FAM13A: variants seen among roughly 807,000 people sequenced by gnomAD.
FAM13A encodes the protein family with sequence similarity 13 member A.
Under a neutral mutation model 129.6 loss-of-function variants are expected in FAM13A, and 76 were observed. That is an observed-to-expected ratio of 0.59 (90% CI 0.49 to 0.71). The LOEUF is 0.71. Ranked by LOEUF, FAM13A falls within the 30% of genes least tolerant of loss-of-function variation. The probability of loss-of-function intolerance (pLI) is 0.00; values close to 1 mark genes in which losing one functional copy is unlikely to be tolerated. For missense variants in FAM13A, 1,108 were observed against 1,249.3 expected (o/e 0.89, Z 1.70); for synonymous variants, 443 against 449.9 (o/e 0.98, Z 0.20).
intron 5 of FAM13A, among the ~76,000 whole-genome samples, chr4:88,934,139 C>T (rs552812156): frequency 5.3e-5 from 8 of 152,202 alleles, no homozygotes; most frequent in African/African-American, 1.4e-4. Context: ...TCTACTCAAA[C>T]GTTTTCTTGT....
At position 88,851,095 on chromosome 4, in the gene FAM13A, C is replaced by T. The variant is rs114556874; in HGVS notation, c.932G>A (p.Arg311Gln). The T allele has an allele frequency of 7.3e-4, 1,170 of 1,613,766 alleles. 7 individuals are homozygous for T. The African/African-American group carries it at 0.012, about 17-fold the overall frequency. Residue 311 changes from arginine to glutamine, a missense_variant, in exon 7 of 24, where the codon CGG becomes CAG. Coordinates refer to ENST00000264344, the MANE Select transcript of FAM13A (RefSeq NM_014883.4). ...LSDGIPQLSL[R>Q]LSYRKACLED... ...CAAGCAGGCTTTTCTATAACTTAGC[C>T]GCAAGCTGAGCTGAGGAATGCCATC...
intron 10 of FAM13A, among the ~76,000 whole-genome samples, chr4:88,783,003 G>A (rs866673613): frequency 9.2e-5 from 14 of 151,392 alleles, no homozygotes; most frequent in South Asian, 8.4e-4. Flanking sequence ...GTGTGTACAC[G>A]GTAGGTGTAT....
intron 3 of FAM13A, among the ~76,000 whole-genome samples, chr4:88,996,643 G>A (rs1763580588): frequency 6.6e-6 from 1 of 152,114 alleles, no homozygotes; most frequent in Non-Finnish European, 1.5e-5. Flanking sequence ...ATAGTAACAG[G>A]GCTAGGGGAA....
intron 4 of FAM13A, among the ~76,000 whole-genome samples, chr4:88,964,909 T>G (rs1759145649): frequency 6.6e-6 from 1 of 152,046 alleles, no homozygotes; most frequent in South Asian, 2.1e-4. Flanking sequence ...ATTACAGGCG[T>G]GAGATACCGC....
chr4:88,897,978 C>T (rs569151901), intron 6 of FAM13A, among the ~76,000 whole-genome samples: 3 of 152,070 alleles, frequency 2.0e-5, no homozygotes, highest in Non-Finnish European at 2.9e-5. Flanking sequence ...CAAACCAAGA[C>T]TTAACCAATG....
In FAM13A at chr4:88,939,931, A is replaced by T. The variant is rs139523835; in HGVS notation, c.606-1690T>A. Among the ~76,000 whole-genome samples the T allele has an allele frequency of 1.2e-3, 187 of 152,186 alleles. 1 individual carries two copies. The highest frequency in any genetic ancestry group is 1.7e-3 in the Non-Finnish European group (114 of 67,994). On this transcript the variant is annotated intron_variant, in intron 4 of 23. Transcript: ENST00000264344. ...AGCTTGGAAGCAAATCATTCCCCAA[A>T]CTCGAGCCTTTAGATAAAAACGCAA... is the stretch of plus-strand genomic sequence containing the variant.
chr4:88,954,287 T>C (rs1011306836), intron 4 of FAM13A, among the ~76,000 whole-genome samples: 17 of 152,236 alleles, frequency 1.1e-4, no homozygotes, highest in African/African-American at 3.9e-4. Flanking sequence ...ACAATCTTAC[T>C]CTGCTCTTTA....
intron 21 of FAM13A, chr4:88,736,744 G>A (rs2924937): frequency 7.9e-5 from 12 of 151,758 alleles, no homozygotes; most frequent in Admixed American, 5.9e-4. Flanking sequence ...ATTACATCTC[G>A]CATTCTAGCA....
intron 4 of FAM13A, among the ~76,000 whole-genome samples, chr4:88,974,116 G>A (rs1006967374): frequency 1.3e-5 from 2 of 152,134 alleles, no homozygotes; most frequent in African/African-American, 2.4e-5. Flanking sequence ...TGTGAGAATC[G>A]GGTAGAGTTT....
At chr4:88,737,380 C>CGATCACACCCCCTT in intron 21 of FAM13A, 92 bp downstream of exon 21, 1 of 1,092,362 alleles carries the variant, frequency 9.2e-7, no homozygotes, top group Non-Finnish European at 1.4e-6. Context: ...CCAAAAGGCC[C>CGATCACACCCCCTT]GATCACACCC....
chr4:89,052,903 T>A (rs1205081109), intron 1 of FAM13A, among the ~76,000 whole-genome samples: 3 of 152,128 alleles, frequency 2.0e-5, no homozygotes, highest in Admixed American at 1.3e-4. Flanking sequence ...AGGAAACTGC[T>A]TAAACTATAA....
intron 7 of FAM13A, among the ~76,000 whole-genome samples, chr4:88,834,198 C>T (rs1205476075): frequency 1.6e-4 from 23 of 141,496 alleles, no homozygotes; most frequent in Non-Finnish European, 2.2e-4. Context: ...AGGCGTGAGC[C>T]GCCATGCCTG....
chr4:89,042,770 G>A (rs927823081), intron 1 of FAM13A, among the ~76,000 whole-genome samples: 14 of 151,680 alleles, frequency 9.2e-5, no homozygotes, highest in Admixed American at 2.6e-4. Flanking sequence ...TTTCTATTTA[G>A]CCCATTGATT....
At chr4:88,891,547 C>T (rs1016733569) in intron 6 of FAM13A, among the ~76,000 whole-genome samples, 2 of 152,126 alleles carry the variant, frequency 1.3e-5, no homozygotes, top group African/African-American at 2.4e-5. Context: ...TACAACCATA[C>T]TAAACAAAAA....
chr4:88,791,253 T>G (rs1288811175), intron 8 of FAM13A, among the ~76,000 whole-genome samples: 1 of 152,190 alleles, frequency 6.6e-6, no homozygotes, highest in Non-Finnish European at 1.5e-5. Context: ...ATTTACAATG[T>G]TTTTGTTGAG....
At chr4:89,010,160 G>A (rs767404576) in intron 3 of FAM13A, among the ~76,000 whole-genome samples, 4 of 152,172 alleles carry the variant, frequency 2.6e-5, no homozygotes, top group Admixed American at 6.5e-5. Context: ...TATACAGTAT[G>A]TACTGACCTT....
At chr4:88,996,547 T>G (rs1206532275) in intron 3 of FAM13A, among the ~76,000 whole-genome samples, 1 of 152,192 alleles carries the variant, frequency 6.6e-6, no homozygotes, top group Non-Finnish European at 1.5e-5. Context: ...TCTAAGCATT[T>G]GAGATAAATC....
chr4:88,953,949 C>T (rs955202845), intron 4 of FAM13A, among the ~76,000 whole-genome samples: 1 of 152,040 alleles, frequency 6.6e-6, no homozygotes, highest in African/African-American at 2.4e-5. Context: ...AATAACAGGA[C>T]AAGAAACAAC....
chr4:89,035,146 T>C (rs1359638667), intron 1 of FAM13A, among the ~76,000 whole-genome samples: 1 of 152,060 alleles, frequency 6.6e-6, no homozygotes, highest in Non-Finnish European at 1.5e-5. Flanking sequence ...TACAGCATGT[T>C]CTCACATATA....
Sources: gnomAD v4.1 joint callset for allele counts (sites outside exome capture counted in the v4.1 genomes callset) on GRCh38, gnomAD v4.1.1 for gene constraint, MANE v1.5 for transcripts, NCBI Gene and HGNC (gene_info 2026-07-23, HGNC 2026-07-21) for gene names.